Variants in ABHD14B observed in about 807,000 individuals in gnomAD.
ABHD14B encodes abhydrolase domain containing 14B.
In ABHD14B, 19 loss-of-function variants were observed where a neutral mutation model predicts 15.4. The observed-to-expected ratio is 1.23, with a 90% confidence interval of 0.86 to 1.81. The LOEUF (loss-of-function observed/expected upper bound fraction) is 1.81, where lower values mean the gene tolerates loss of function less well. Ranked by LOEUF, ABHD14B falls within the 40% of genes most tolerant of loss-of-function variation. The pLI, the probability that ABHD14B is intolerant of heterozygous loss-of-function variation, is 0.00. For synonymous variants in ABHD14B, 92 were observed against 117.3 expected, an observed-to-expected ratio of 0.78 and a Z score of 1.39; for missense variants, 243 against 267.0, an observed-to-expected ratio of 0.91 and a Z score of 0.63.
rs528547377 is a variant in ABHD14B, at chr3:51,971,356, C to G, written c.211+104G>C. 1,170 of 1,330,518 alleles carry G rather than the reference C, an allele frequency of 8.8e-4. 1 individual carries two copies. Among genetic ancestry groups the G allele is most frequent in the Non-Finnish European group, 1.0e-3 (1,049 of 1,002,054 alleles). 82.4% of individuals were successfully genotyped at this position (1,330,518 alleles called of 1,614,324 possible). ...CCTGGCTGGGTCCTCCAGATCCCAC[C>G]GCCCCCACCCCTGGAGTGGGGAGGG... On this transcript the variant is annotated intron_variant, in intron 2 of 3. Transcript: ENST00000361143.
chr3:51,971,898 A>C (rs1700661979), intron 1 of ABHD14B, 200 bp from the exon 2 acceptor site: 1 of 1,105,260 alleles, frequency 9.0e-7, no homozygotes, highest in Non-Finnish European at 1.2e-6. Context: ...TTGATCTGAA[A>C]TATGGGAACA....
At chr3:51,972,724 T>C (rs1700680549) in intron 1 of ABHD14B, among the ~76,000 whole-genome samples, 1 of 152,150 alleles carries the variant, frequency 6.6e-6, no homozygotes, top group Admixed American at 6.5e-5. Context: ...AGCTCATAGG[T>C]GGTTGATAGG....
chr3:51,973,726 C>A, intron 1 of ABHD14B: 3 of 805,614 alleles, frequency 3.7e-6, no homozygotes, highest in South Asian at 1.5e-5. Flanking sequence ...GGAAAGGCGA[C>A]CCGCCGGGGA....
chr3:51,969,683 T>C, intron 3 of ABHD14B, 78 bp from the exon 4 acceptor site: 2 of 1,528,602 alleles, frequency 1.3e-6, no homozygotes, highest in Non-Finnish European at 8.9e-7. Context: ...CACTTCAGTC[T>C]CTTCCTGGGA....
chr3:51,970,852 C>A (rs1300984397), intron 2 of ABHD14B: 4 of 454,812 alleles, frequency 8.8e-6, no homozygotes, highest in Non-Finnish European at 1.8e-5. Flanking sequence ...TCACACCTGG[C>A]ACCGAGGGTT....
chr3:51,971,296 G>A, intron 2 of ABHD14B, 164 bp downstream of exon 2: 1 of 750,722 alleles, frequency 1.3e-6, no homozygotes, highest in Non-Finnish European at 2.1e-6. Context: ...CCCTTGCAGT[G>A]TGCTTGACCA....
chr3:51,973,625 C>T (rs1700708438), intron 1 of ABHD14B: 2 of 360,570 alleles, frequency 5.5e-6, no homozygotes, highest in Non-Finnish European at 5.4e-6. Flanking sequence ...CTCAAGTGAT[C>T]CTCCCGGCTC....
intron 2 of ABHD14B, among the ~76,000 whole-genome samples, 176 bp from the exon 3 acceptor site, chr3:51,970,360 A>C (rs1254969001): frequency 6.6e-6 from 1 of 152,176 alleles, no homozygotes; most frequent in Non-Finnish European, 1.5e-5. Context: ...TTATCGTGCC[A>C]AGCATGAGGC....
upstream of ABHD14B, chr3:51,974,062 C>T (rs1238111998): frequency 7.8e-7 from 1 of 1,286,394 alleles, no homozygotes; most frequent in East Asian, 5.6e-5. Context: ...CGGGCCCCAT[C>T]CAGCGGGGGC....
At chr3:51,972,474 A>G (rs1177979574) in intron 1 of ABHD14B, among the ~76,000 whole-genome samples, 2 of 149,344 alleles carry the variant, frequency 1.3e-5, no homozygotes, top group Non-Finnish European at 3.0e-5. Flanking sequence ...TTGGGAAGCT[A>G]AGGCAGTAGA....
chr3:51,968,838 A>C lies in ABHD14B; in HGVS notation c.*588T>G, dbSNP rs987547546. ...GAGGTTAGCATGGTTAGGAGTCCACATGTGTGCAAGTGCTTGTGTGGAGGC... is the reference window on the plus strand; with the variant it reads ...GAGGTTAGCATGGTTAGGAGTCCACCTGTGTGCAAGTGCTTGTGTGGAGGC... On this transcript the variant is annotated 3_prime_UTR_variant, in exon 4 of 4. Transcript: ENST00000361143. The C allele has an allele frequency of 1.3e-5, 2 of 152,420 alleles. No homozygotes were observed. Among genetic ancestry groups the C allele is most frequent in the Non-Finnish European group, 2.9e-5 (2 of 68,198 alleles). 9.4% of individuals were successfully genotyped at this position (152,420 alleles called of 1,614,324 possible).
At chr3:51,974,376 G>GC (rs1700736739), upstream of ABHD14B, 2 of 276,034 alleles carry the variant, frequency 7.2e-6, no homozygotes, top group East Asian at 2.4e-4. Flanking sequence ...CGGAGTTGAG[G>GC]CCCGACAGGT....
At chr3:51,973,888 G>A (rs1700718781) in intron 1 of ABHD14B, 77 bp downstream of exon 1, 3 of 1,289,836 alleles carry the variant, frequency 2.3e-6, no homozygotes, top group Non-Finnish European at 3.0e-6. Flanking sequence ...CCAGGGATCC[G>A]AGAAAGGAAG....
chr3:51,970,908 C>T, intron 2 of ABHD14B: 1 of 450,740 alleles, frequency 2.2e-6, no homozygotes, highest in Non-Finnish European at 4.5e-6. Flanking sequence ...GGCACTGATC[C>T]CATCTACCCT....
intron 1 of ABHD14B, among the ~76,000 whole-genome samples, chr3:51,973,117 T>C (rs1700689134): frequency 6.7e-6 from 1 of 149,564 alleles, no homozygotes; most frequent in Non-Finnish European, 1.5e-5. Context: ...ACATCTCCGC[T>C]CACTGCAAGC....
At chr3:51,974,235 C>A, upstream of ABHD14B, 1 of 372,140 alleles carries the variant, frequency 2.7e-6, no homozygotes, top group Non-Finnish European at 5.1e-6. Context: ...CTTCAGCGAC[C>A]TGCCCCACAT....
chr3:51,974,402 C>T (rs1266648680), upstream of ABHD14B: 5 of 262,552 alleles, frequency 1.9e-5, no homozygotes, highest in South Asian at 1.0e-4. Flanking sequence ...TGCGAGGCTC[C>T]GCCAGTGTCC....
chr3:51,974,053 G>A (rs749299299), upstream of ABHD14B: 3 of 1,287,022 alleles, frequency 2.3e-6, no homozygotes, highest in African/African-American at 3.0e-5. Flanking sequence ...GGAAGAGGCC[G>A]GGCCCCATCC....
Position 51,970,110 on chromosome 3 carries a change from C to T in ABHD14B, c.286G>A (p.Val96Met). The T allele has an allele frequency of 1.3e-6, 2 of 1,585,686 alleles. No homozygotes were observed. The highest frequency in any genetic ancestry group is 1.7e-6 in the Non-Finnish European group (2 of 1,164,728). ...GGGCCCAGCTCCAAGGCATCCACCA[C>T]AGCCGCCAGGAAGCTGCCAGGGGCC... is the stretch of plus-strand genomic sequence containing the variant. The part of the protein sequence containing the change: ...ELAPGSFLAA[V>M]VDALELGPPV... The change falls in exon 3 of 4, where the codon GTG becomes ATG. Residue 96 changes from valine to methionine, a missense_variant. By Grantham distance (21) the Val-to-Met change is conservative. Coordinates refer to ENST00000361143, the MANE Select transcript of ABHD14B (RefSeq NM_001146314.2).
Sources: gnomAD v4.1 joint callset for allele counts (sites outside exome capture counted in the v4.1 genomes callset) on GRCh38, gnomAD v4.1.1 for gene constraint, MANE v1.5 for transcripts, NCBI Gene and HGNC (gene_info 2026-07-23, HGNC 2026-07-21) for gene names.